The following UBR2 variants were observed in gnomAD, a reference collection of about 807,000 sequenced individuals.
UBR2 encodes the protein ubiquitin protein ligase E3 component n-recognin 2.
In UBR2, 92 loss-of-function variants were observed where a neutral mutation model predicts 247.9. The observed-to-expected ratio is 0.37, with a 90% CI of 0.31 to 0.44. The LOEUF is 0.44. UBR2 is among the 20% of genes least tolerant of loss of function. The pLI is 1.00. For missense variants in UBR2, 1,613 were observed against 2,112.6 expected, an observed-to-expected ratio of 0.76 and a Z score of 4.64; for synonymous variants, 672 against 693.5, an observed-to-expected ratio of 0.97 and a Z score of 0.49.
chr6:42,617,600 A>T, intron 11 of UBR2, 93 bp downstream of exon 11: 1 of 1,161,820 alleles, frequency 8.6e-7, no homozygotes, highest in Non-Finnish European at 1.2e-6. Context: ...TCCTGAAAAG[A>T]ATAGTATTTT....
intron 2 of UBR2, among the ~76,000 whole-genome samples, chr6:42,575,804 C>A (rs1389410754): frequency 6.6e-6 from 1 of 152,130 alleles, no homozygotes; most frequent in African/African-American, 2.4e-5. Flanking sequence ...TTACTCTTTT[C>A]CCCTATGTGA....
chr6:42,657,066 C>T (rs765043710), intron 26 of UBR2, among the ~76,000 whole-genome samples: 11 of 151,928 alleles, frequency 7.2e-5, no homozygotes, highest in Non-Finnish European at 1.5e-4. Flanking sequence ...GAAACCCTGT[C>T]TCTACCAAAA....
intron 42 of UBR2, among the ~76,000 whole-genome samples, chr6:42,682,139 A>G (rs1341854197): frequency 6.6e-6 from 1 of 152,158 alleles, no homozygotes; most frequent in Non-Finnish European, 1.5e-5. Context: ...GACGTGTGCT[A>G]AGTGAAATAA....
intron 2 of UBR2, among the ~76,000 whole-genome samples, chr6:42,584,430 A>G (rs560043531): frequency 6.6e-6 from 1 of 152,338 alleles, no homozygotes; most frequent in African/African-American, 2.4e-5. Flanking sequence ...CAGCTTTATA[A>G]TAAGTCTTGA....
chr6:42,602,352 T>G (rs1380705145), intron 4 of UBR2, among the ~76,000 whole-genome samples: 5 of 151,744 alleles, frequency 3.3e-5, no homozygotes, highest in South Asian at 2.1e-4. Context: ...ACAGGCGCCC[T>G]CCACCACGCC....
At chr6:42,684,507 C>T (rs1799248888) in intron 43 of UBR2, among the ~76,000 whole-genome samples, 1 of 151,790 alleles carries the variant, frequency 6.6e-6, no homozygotes, top group Admixed American at 6.6e-5. Flanking sequence ...TAGCATGAAC[C>T]CGGGAGGCGG....
chr6:42,567,334 T>G (rs954346402), intron 1 of UBR2, among the ~76,000 whole-genome samples: 5 of 152,198 alleles, frequency 3.3e-5, no homozygotes, highest in African/African-American at 1.2e-4. Context: ...TCTTTTCTTG[T>G]TAGAATTGAC....
At chr6:42,623,781 G>C (rs1247943982) in intron 11 of UBR2, among the ~76,000 whole-genome samples, 1 of 152,118 alleles carries the variant, frequency 6.6e-6, no homozygotes, top group Non-Finnish European at 1.5e-5. Context: ...ATGAATATGT[G>C]TTTAATTTTC....
chr6:42,642,181 C>G (rs936756050), intron 17 of UBR2, among the ~76,000 whole-genome samples: 1 of 152,084 alleles, frequency 6.6e-6, no homozygotes, highest in African/African-American at 2.4e-5. Flanking sequence ...AGACCACAAC[C>G]TTTTACTTTA....
chr6:42,606,261 AT>A (rs1468995178), intron 6 of UBR2, among the ~76,000 whole-genome samples: 1 of 152,130 alleles, frequency 6.6e-6, no homozygotes, highest in East Asian at 1.9e-4. Context: ...AAAAAATTTC[AT>A]TTGAATATTG....
chr6:42,569,452 C>G (rs1250127700), intron 1 of UBR2, among the ~76,000 whole-genome samples: 1 of 152,048 alleles, frequency 6.6e-6, no homozygotes, highest in Non-Finnish European at 1.5e-5. Flanking sequence ...ATTTTTATGT[C>G]TTCTTTGCCT....
chr6:42,572,294 G>GA (rs1321548399), intron 1 of UBR2, among the ~76,000 whole-genome samples: 4 of 152,048 alleles, frequency 2.6e-5, no homozygotes, highest in African/African-American at 9.7e-5. Context: ...AAAGTTCTCT[G>GA]AAAACAGAAA....
chr6:42,614,424 A>ATACATATG (rs143366431), intron 8 of UBR2, among the ~76,000 whole-genome samples: 1 of 87,824 alleles, frequency 1.1e-5, no homozygotes, highest in African/African-American at 4.9e-5. Context: ...ACGTACGTAC[A>ATACATATG]TATATATGTA....
chr6:42,691,189 A>C lies in UBR2; in HGVS notation c.*16A>C. On this transcript the variant is annotated 3_prime_UTR_variant, in exon 47 of 47. Coordinates refer to ENST00000372901, the MANE Select transcript of UBR2 (RefSeq NM_001363705.2). Reference sequence around the variant, plus strand: ...ACATTTATAATTATTGCACCACCAAAAAACACAAACTTGGATTTTTTTAAC... The same window carrying C: ...ACATTTATAATTATTGCACCACCAACAAACACAAACTTGGATTTTTTTAAC... The C allele has an allele frequency of 1.2e-6, 2 of 1,608,442 alleles. No individual in the cohort carries two copies. Among genetic ancestry groups the C allele is most frequent in the Non-Finnish European group, 1.7e-6 (2 of 1,178,782 alleles).
Position 42,641,689 on chromosome 6 carries a change from C to T in UBR2, c.2028C>T (p.Asn676=). Residue 676 remains asparagine, a synonymous_variant, in exon 17 of 47, where the codon AAC becomes AAT. Coordinates refer to ENST00000372901, the MANE Select transcript of UBR2 (RefSeq NM_001363705.2). ...GAAGAAATGGGTTCTCTCTAGTAAA[C>T]CAGGTAAGTGTTTTCTAATTCTATG... ...MWRRNGFSLV[N]QIYYYHNVKC... is the part of the protein sequence containing the mutation. 6.2e-7 allele frequency: 1 copy of T among 1,607,312 alleles called. No homozygotes were observed. The highest frequency in any genetic ancestry group is 1.1e-5 in the South Asian group (1 of 90,246).
Position 42,652,546 on chromosome 6 carries a change from C to T in UBR2, c.2670C>T (p.Asn890=). The change falls in exon 25 of 47, where the codon AAC becomes AAT. Residue 890 remains asparagine (N), a synonymous_variant. Coordinates refer to ENST00000372901, the MANE Select transcript of UBR2 (RefSeq NM_001363705.2). ...GCCCTCTGTTTGCAAGCCTGGTTAA[C>T]ATTTTGCAGTCAGATGTCATGTTGT... ...PFCPLFASLV[N]ILQSDVMLCI... is the part of the protein sequence containing the mutation. The T allele has an allele frequency of 6.2e-7, 1 of 1,613,458 alleles. No individual in the cohort carries two copies.
intron 13 of UBR2, chr6:42,634,140 G>A (rs1745614464): frequency 5.6e-6 from 1 of 176,996 alleles, no homozygotes; most frequent in Non-Finnish European, 1.2e-5. Flanking sequence ...AAACTGTAGT[G>A]GTTTTTGATT....
At chr6:42,654,327 G>T (rs1195403053) in intron 25 of UBR2, among the ~76,000 whole-genome samples, 1 of 152,160 alleles carries the variant, frequency 6.6e-6, no homozygotes, top group African/African-American at 2.4e-5. Flanking sequence ...TACCTTACAT[G>T]TACACTTGCT....
At chr6:42,669,747 CT>C in intron 34 of UBR2, among the ~76,000 whole-genome samples, 1 of 152,200 alleles carries the variant, frequency 6.6e-6, no homozygotes, top group Non-Finnish European at 1.5e-5. Context: ...GTAAAAACAA[CT>C]TTCCCCTGAG....
Sources: gnomAD v4.1 joint callset for allele counts (sites outside exome capture counted in the v4.1 genomes callset) on GRCh38, gnomAD v4.1.1 for gene constraint, MANE v1.5 for transcripts, NCBI Gene and HGNC (gene_info 2026-07-23, HGNC 2026-07-21) for gene names.